The following GLIS3 variants were observed in gnomAD, a reference collection of about 807,000 sequenced individuals.
GLIS3 encodes the protein zinc finger protein GLIS3.
Under a neutral mutation model 78.6 loss-of-function variants are expected in GLIS3, and 53 were observed. The ratio of observed to expected loss-of-function variants is 0.67; its 90% CI spans 0.54 to 0.85. The LOEUF is 0.85. Among genes scored for constraint, GLIS3 ranks in the 40% least tolerant of loss-of-function variants. GLIS3 has a pLI of 0.00. For synonymous variants in GLIS3, 684 were observed against 509.9 expected (o/e 1.34, Z -4.60); for missense variants, 1,703 against 1,231.1 (o/e 1.38, Z -5.74).
intron 9 of GLIS3, among the ~76,000 whole-genome samples, chr9:3,849,527 C>G (rs527487401): frequency 4.6e-5 from 7 of 152,286 alleles, no homozygotes; most frequent in African/African-American, 1.7e-4. Flanking sequence ...TTAACAATGA[C>G]AAAGCACAAA....
rs555203131 is a variant in GLIS3, at chr9:3,860,796, T to C, written c.2298-4612A>G. Among the ~76,000 whole-genome samples, 8 of 152,364 alleles carry C rather than the reference T, an allele frequency of 5.3e-5. No homozygotes were observed. The South Asian group carries it at 1.7e-3, about 32-fold the overall frequency. On this transcript the variant is annotated intron_variant, in intron 8 of 10. Coordinates refer to ENST00000381971, the MANE Select transcript of GLIS3 (RefSeq NM_001042413.2). Reference sequence around the variant, plus strand: ...AGGTTCTAAAGTCCATGGTGACATTTATTCATTCAAGGGGTCTTTGTTGAG... The same window carrying C: ...AGGTTCTAAAGTCCATGGTGACATTCATTCATTCAAGGGGTCTTTGTTGAG...
chr9:4,012,082 C>A (rs924006579), intron 4 of GLIS3, among the ~76,000 whole-genome samples: 1 of 152,146 alleles, frequency 6.6e-6, no homozygotes, highest in Non-Finnish European at 1.5e-5. Context: ...AAACATACAA[C>A]AAAACCCCTT....
intron 2 of GLIS3, among the ~76,000 whole-genome samples, chr9:4,188,180 T>A (rs1317801596): frequency 1.3e-5 from 2 of 151,690 alleles, no homozygotes; most frequent in African/African-American, 4.8e-5. Context: ...CATCAATACC[T>A]AATTTATTGA....
intron 2 of GLIS3, among the ~76,000 whole-genome samples, chr9:4,249,724 T>C (rs1434274425): frequency 1.3e-5 from 2 of 152,232 alleles, no homozygotes; most frequent in Non-Finnish European, 2.9e-5. Flanking sequence ...CTTCCAGCTT[T>C]TGCCCATTCA....
At chr9:4,198,820 C>G (rs1819103081) in intron 2 of GLIS3, among the ~76,000 whole-genome samples, 2 of 152,138 alleles carry the variant, frequency 1.3e-5, no homozygotes, top group African/African-American at 2.4e-5. Flanking sequence ...AGAAAAAGGT[C>G]AGGTCACATA....
At chr9:3,908,837 G>C (rs1281344279) in intron 6 of GLIS3, among the ~76,000 whole-genome samples, 1 of 145,506 alleles carries the variant, frequency 6.9e-6, no homozygotes, top group African/African-American at 2.5e-5. Flanking sequence ...CCAAGATTAA[G>C]TGAGTCAAGT....
At chr9:3,852,911 G>C (rs1477444861) in intron 9 of GLIS3, among the ~76,000 whole-genome samples, 1 of 152,158 alleles carries the variant, frequency 6.6e-6, no homozygotes, top group Non-Finnish European at 1.5e-5. Flanking sequence ...TTAACAATTA[G>C]AATGTGAAAG....
chr9:4,193,491 A>T (rs1188843002), intron 2 of GLIS3, among the ~76,000 whole-genome samples: 2 of 152,234 alleles, frequency 1.3e-5, no homozygotes, highest in Non-Finnish European at 2.9e-5. Flanking sequence ...AAAAGAAGGA[A>T]GATCAGTAAG....
chr9:4,001,657 C>T (rs949018986), intron 4 of GLIS3, among the ~76,000 whole-genome samples: 11 of 152,158 alleles, frequency 7.2e-5, no homozygotes, highest in Admixed American at 5.2e-4. Flanking sequence ...TTTTTAATTT[C>T]TAAGTAGCTT....
the GLIS3 span, among the ~76,000 whole-genome samples, chr9:4,406,201 G>A: frequency 8.8e-4 from 134 of 152,168 alleles, no homozygotes; most frequent in African/African-American, 2.9e-3. Flanking sequence ...ATTATTCAAC[G>A]TAGTACTGGA....
chr9:4,331,919 AACTGGT>A (rs1263805414), intron 2 of GLIS3, among the ~76,000 whole-genome samples: 1 of 152,198 alleles, frequency 6.6e-6, no homozygotes, highest in Non-Finnish European at 1.5e-5. Context: ...CCAGGTTGTC[AACTGGT>A]ACAAGGGGTG....
At chr9:3,837,767 G>T (rs1395687475) in intron 9 of GLIS3, among the ~76,000 whole-genome samples, 1 of 152,196 alleles carries the variant, frequency 6.6e-6, no homozygotes, top group South Asian at 2.1e-4. Flanking sequence ...TCCACAGGTT[G>T]GGGGGAGGGA....
At chr9:4,133,945 T>C (rs1934659) in intron 2 of GLIS3, among the ~76,000 whole-genome samples, 56,089 of 151,668 alleles carry the variant, frequency 0.37, 10,686 homozygotes, top group East Asian at 0.62. Flanking sequence ...ATATCCATTT[T>C]CTCTTTCTCT....
chr9:4,082,192 T>G (rs144982527), intron 4 of GLIS3, among the ~76,000 whole-genome samples: 1 of 152,374 alleles, frequency 6.6e-6, no homozygotes, highest in Admixed American at 6.5e-5. Context: ...AAGAGCATCA[T>G]GCAGGCAGCA....
the GLIS3 span, among the ~76,000 whole-genome samples, chr9:4,458,164 C>T: frequency 6.6e-6 from 1 of 152,166 alleles, no homozygotes; most frequent in South Asian, 2.1e-4. Context: ...TTTGTTCTCT[C>T]TTATTGCAGA....
intron 2 of GLIS3, among the ~76,000 whole-genome samples, chr9:4,267,329 G>A (rs774214881): frequency 6.6e-6 from 1 of 152,162 alleles, no homozygotes; most frequent in Non-Finnish European, 1.5e-5. Context: ...AGAGTAGACA[G>A]CCCTTGAGGG....
At chr9:4,046,819 T>C (rs71508601) in intron 4 of GLIS3, among the ~76,000 whole-genome samples, 11,456 of 152,204 alleles carry the variant, frequency 0.075, 563 homozygotes, top group African/African-American at 0.14. Flanking sequence ...GACATGGCAA[T>C]TCTTCTTCAA....
At chr9:4,480,054 G>A in the GLIS3 span, among the ~76,000 whole-genome samples, 6 of 151,698 alleles carry the variant, frequency 4.0e-5, no homozygotes, top group East Asian at 3.9e-4. Context: ...GAGCCACGGC[G>A]CCTGGCCTTG....
At chr9:4,478,069 A>G in the GLIS3 span, among the ~76,000 whole-genome samples, 1 of 152,158 alleles carries the variant, frequency 6.6e-6, no homozygotes, top group African/African-American at 2.4e-5. Flanking sequence ...GCTTTAGAGA[A>G]ATAACTGATT....
Sources: allele counts gnomAD v4.1 joint callset (sites outside exome capture counted in the v4.1 genomes callset), GRCh38; gene constraint gnomAD v4.1.1; transcripts MANE v1.5; gene names NCBI Gene and HGNC (gene_info 2026-07-23, HGNC 2026-07-21).